Variants in PDE1C observed in about 807,000 individuals in gnomAD.
PDE1C encodes the protein dual specificity calcium/calmodulin-dependent 3',5'-cyclic nucleotide phosphodiesterase 1C.
A neutral mutation model predicts 93.1 loss-of-function variants in PDE1C; 62 were observed. That is an observed-to-expected ratio of 0.67 (90% CI 0.54 to 0.82). PDE1C has a LOEUF of 0.82. Among genes scored for constraint, PDE1C ranks in the 40% least tolerant of loss-of-function variants. The pLI is 0.00. For synonymous variants in PDE1C, 325 were observed against 310.1 expected (o/e 1.05, Z -0.50); for missense variants, 742 against 884.6 (o/e 0.84, Z 2.04).
chr7:31,639,005 G>T, the PDE1C span, among the ~76,000 whole-genome samples: 108,961 of 151,924 alleles, frequency 0.72, 39,744 homozygotes, highest in East Asian at 0.83. Context: ...TTGAACTCCT[G>T]ACCTCAGGTG....
intron 1 of PDE1C, among the ~76,000 whole-genome samples, chr7:32,412,984 A>G (rs1242442960): frequency 2.0e-5 from 3 of 152,114 alleles, no homozygotes; most frequent in Non-Finnish European, 2.9e-5. Context: ...TCATGAGGAA[A>G]CTCACGGGGA....
intron 2 of PDE1C, among the ~76,000 whole-genome samples, chr7:32,198,648 A>C (rs1373991017): frequency 6.6e-6 from 1 of 152,198 alleles, no homozygotes; most frequent in Non-Finnish European, 1.5e-5. Flanking sequence ...GCGATAAAGA[A>C]GAAAGGGGAT....
intron 1 of PDE1C, among the ~76,000 whole-genome samples, chr7:32,233,420 TTA>T (rs1491106843): frequency 1.3e-5 from 2 of 152,088 alleles, no homozygotes; most frequent in Non-Finnish European, 2.9e-5. Flanking sequence ...ATGACCTAAT[TTA>T]TGAGGGCTAC....
At chr7:31,897,739 A>G (rs937317574) in intron 2 of PDE1C, among the ~76,000 whole-genome samples, 14 of 152,164 alleles carry the variant, frequency 9.2e-5, no homozygotes, top group Non-Finnish European at 1.8e-4. Context: ...GTCCTGTTAC[A>G]TATTTGGATT....
At chr7:31,697,578 C>G in the PDE1C span, among the ~76,000 whole-genome samples, 4 of 152,322 alleles carry the variant, frequency 2.6e-5, no homozygotes, top group Admixed American at 2.0e-4. Flanking sequence ...AAAAATCATA[C>G]TGAACTATGA....
chr7:31,669,390 T>C, the PDE1C span, among the ~76,000 whole-genome samples: 1 of 152,278 alleles, frequency 6.6e-6, no homozygotes, highest in Non-Finnish European at 1.5e-5. Context: ...ATACAAAAAA[T>C]AATCTGTTAA....
rs149411654 is a variant in PDE1C, at chr7:32,308,761, T to A, written c.311-99222A>T. On this transcript the variant is annotated intron_variant, in intron 1 of 1. Coordinates refer to the PDE1C transcript ENST00000672256. ...AAAACCCTTCTGTACGTCACCATCATCAAAGACCAAAAGTAGGTAAAACCA... is the reference window on the plus strand; with the variant it reads ...AAAACCCTTCTGTACGTCACCATCAACAAAGACCAAAAGTAGGTAAAACCA... Among the ~76,000 whole-genome samples, 1,446 of 152,128 alleles carry A rather than the reference T, an allele frequency of 9.5e-3. 9 individuals are homozygous for A. The highest frequency in any genetic ancestry group is 0.044 in the Middle Eastern group (13 of 294).
intron 2 of PDE1C, among the ~76,000 whole-genome samples, chr7:32,039,192 T>C (rs1791498504): frequency 1.3e-5 from 2 of 152,212 alleles, no homozygotes; most frequent in South Asian, 4.1e-4. Flanking sequence ...AGGGTTAACC[T>C]ACTTTCTTGA....
At chr7:31,983,112 T>C (rs944079482) in intron 2 of PDE1C, among the ~76,000 whole-genome samples, 5 of 152,166 alleles carry the variant, frequency 3.3e-5, no homozygotes, top group African/African-American at 1.2e-4. Flanking sequence ...CATCCCCCTC[T>C]CCATGTAACT....
chr7:32,065,052 G>T (rs13222796), intron 1 of PDE1C, among the ~76,000 whole-genome samples: 10 of 2,088 alleles, frequency 4.8e-3, no homozygotes, highest in South Asian at 0.033. Flanking sequence ...GAACGGCGGT[G>T]GGGGGGGGGG....
At chr7:32,176,257 T>A (rs1802979360) in intron 2 of PDE1C, among the ~76,000 whole-genome samples, 1 of 152,096 alleles carries the variant, frequency 6.6e-6, no homozygotes, top group African/African-American at 2.4e-5. Flanking sequence ...CTCTATAAGC[T>A]GATAAGGAGT....
intron 1 of PDE1C, among the ~76,000 whole-genome samples, chr7:32,369,128 C>G (rs1784280826): frequency 6.6e-6 from 1 of 151,970 alleles, no homozygotes; most frequent in African/African-American, 2.4e-5. Context: ...GCAACAAAAG[C>G]AAAAATAATC....
chr7:32,178,607 G>T (rs1803164805), intron 2 of PDE1C, among the ~76,000 whole-genome samples: 1 of 152,102 alleles, frequency 6.6e-6, no homozygotes, highest in African/African-American at 2.4e-5. Context: ...CAGCTCAGGT[G>T]CAGGAGGTGA....
chr7:31,678,196 T>C, the PDE1C span, among the ~76,000 whole-genome samples: 14 of 152,266 alleles, frequency 9.2e-5, no homozygotes, highest in African/African-American at 3.4e-4. Flanking sequence ...ATGAATTTAA[T>C]TGAATTCAAA....
chr7:31,855,069 T>TAAAAAAAAAA (rs70989615), intron 7 of PDE1C, among the ~76,000 whole-genome samples: 1 of 107,044 alleles, frequency 9.3e-6, no homozygotes, highest in Admixed American at 1.0e-4. Flanking sequence ...TCCCTCTGTC[T>TAAAAAAAAAA]AAAAAAAAAA....
intron 9 of PDE1C, among the ~76,000 whole-genome samples, chr7:31,838,415 T>C (rs1402410649): frequency 6.6e-6 from 1 of 152,204 alleles, no homozygotes; most frequent in East Asian, 1.9e-4. Flanking sequence ...ATTGAGCTTA[T>C]AGTATAGCTA....
chr7:32,309,813 C>T (rs1281797451), intron 1 of PDE1C, among the ~76,000 whole-genome samples: 3 of 152,150 alleles, frequency 2.0e-5, no homozygotes, highest in African/African-American at 7.2e-5. Context: ...ATGTAAAGAC[C>T]ATCAAGGCTA....
At chr7:32,223,624 T>C (rs1203810313) in intron 1 of PDE1C, among the ~76,000 whole-genome samples, 2 of 152,218 alleles carry the variant, frequency 1.3e-5, no homozygotes, top group Non-Finnish European at 2.9e-5. Flanking sequence ...TATTTACTCA[T>C]GTGCTTACAT....
chr7:32,154,392 G>T (rs1217707996), intron 3 of PDE1C, among the ~76,000 whole-genome samples: 2 of 152,016 alleles, frequency 1.3e-5, no homozygotes, highest in Non-Finnish European at 1.5e-5. Context: ...CTGCAAAAAT[G>T]GTACAGAGAG....
Sources: gnomAD v4.1 joint callset for allele counts (sites outside exome capture counted in the v4.1 genomes callset) on GRCh38, gnomAD v4.1.1 for gene constraint, MANE v1.5 for transcripts, NCBI Gene and HGNC (gene_info 2026-07-23, HGNC 2026-07-21) for gene names.